MTOR: variants seen among roughly 807,000 people sequenced by gnomAD.
MTOR encodes the protein mechanistic target of rapamycin kinase, also known as serine/threonine-protein kinase mTOR.
In MTOR, 70 loss-of-function variants were observed where a neutral mutation model predicts 319.8. The ratio of observed to expected loss-of-function variants is 0.22; its 90% confidence interval spans 0.18 to 0.27. The LOEUF (loss-of-function observed/expected upper bound fraction) is 0.27. MTOR is among the 10% of genes least tolerant of loss of function. MTOR has a pLI of 1.00. For synonymous variants in MTOR, 1,183 were observed against 1,211.4 expected (o/e 0.98, Z 0.49); for missense variants, 1,890 against 3,274.4 (o/e 0.58, Z 10.32).
intron 17 of MTOR, 36 bp downstream of exon 17, chr1:11,231,264 A>T (rs753584793): frequency 2.5e-6 from 4 of 1,612,930 alleles, no homozygotes; most frequent in Non-Finnish European, 3.4e-6. Flanking sequence ...TCGTCCCAGC[A>T]AAGTCTTTAA....
chr1:11,155,581 G>C (rs976521358), intron 30 of MTOR, among the ~76,000 whole-genome samples: 2 of 152,100 alleles, frequency 1.3e-5, no homozygotes, highest in Admixed American at 6.6e-5. Context: ...TGAAGACAGG[G>C]GGTCACAGAG....
In MTOR at chr1:11,117,031, A is replaced by G; in HGVS notation, c.6989T>C (p.Val2330Ala). Residue 2330 changes from valine (V) to alanine (A), a missense_variant, in exon 50 of 58, where the codon GTT (valine) becomes GCT (alanine). Transcript: ENST00000361445. ...YTRSLAVMSMVGYILGLGDRH... is the reference protein window; with the variant it reads ...YTRSLAVMSMAGYILGLGDRH... ...ATCTCCCAGGCCTAAAATATACCCA[A>G]CCATTGACATGACCGCTAAAGAACG... The G allele has an allele frequency of 6.2e-7, 1 of 1,613,128 alleles. No individual in the cohort carries two copies. The highest frequency in any genetic ancestry group is 8.5e-7 in the Non-Finnish European group (1 of 1,179,792).
intron 19 of MTOR, among the ~76,000 whole-genome samples, chr1:11,221,575 G>A (rs533341459): frequency 6.6e-6 from 1 of 151,628 alleles, no homozygotes; most frequent in South Asian, 2.1e-4. Flanking sequence ...TACGCTTGGA[G>A]TAATTTTTTT....
In MTOR at chr1:11,127,376, T is replaced by C. The variant is rs1642892135; in HGVS notation, c.6217-232A>G. Among the ~76,000 whole-genome samples the C allele has an allele frequency of 6.6e-6, 1 of 152,160 alleles. No homozygotes were observed. Among genetic ancestry groups the C allele is most frequent in the Non-Finnish European group, 1.5e-5 (1 of 68,032 alleles). On this transcript the variant is annotated intron_variant, in intron 44 of 57. Coordinates refer to ENST00000361445, the MANE Select transcript of MTOR (RefSeq NM_004958.4). The surrounding 1 kb of genome is among the most constrained non-coding windows in gnomAD (Gnocchi z 5.5). ...TGAGAGGAGAGACGAGATGACCTCT[T>C]GAGAAATCTTGGGCTTTTCCAGTTA...
At chr1:11,136,052 T>C (rs1643401157) in intron 36 of MTOR, among the ~76,000 whole-genome samples, 1 of 152,148 alleles carries the variant, frequency 6.6e-6, no homozygotes. Flanking sequence ...GGAGAATTGC[T>C]TGAACCTGGA....
chr1:11,146,688 G>A lies in MTOR; in HGVS notation c.4674C>T (p.Ser1558=). ...AVLALHQDLF[S]LAQQCIDKAR... ...TGTAGGTTTTTACCTGTTGTGCCAA[G>A]GAGAAGAGGTCCTGATGCAGTGCCA... The change falls in exon 32 of 58, where the codon TCC becomes TCT. Residue 1558 remains serine, a synonymous_variant. Coordinates refer to ENST00000361445, the MANE Select transcript of MTOR (RefSeq NM_004958.4). The A allele has an allele frequency of 6.2e-7, 1 of 1,613,964 alleles. No individual in the cohort carries two copies. The highest frequency in any genetic ancestry group is 8.5e-7 in the Non-Finnish European group (1 of 1,179,878).
At chr1:11,148,792 G>A (rs957266238) in intron 31 of MTOR, among the ~76,000 whole-genome samples, 2 of 152,006 alleles carry the variant, frequency 1.3e-5, no homozygotes, top group East Asian at 1.9e-4. Flanking sequence ...CCAGCTACTC[G>A]GAGGGCTGAG....
At chr1:11,232,159 C>G (rs754046521) in intron 16 of MTOR, among the ~76,000 whole-genome samples, 1 of 152,202 alleles carries the variant, frequency 6.6e-6, no homozygotes, top group Admixed American at 6.5e-5. Context: ...CCTCTGAGAG[C>G]TACGGCTCTG....
Position 11,256,070 on chromosome 1 carries a change from A to G in MTOR, c.627T>C (p.Ala209=), listed in dbSNP as rs1650360669. ...TCAGACAGGCACGAAGGGCGGCTAC[A>G]GCTCCCTCACGGATGGCCTGTTTGG... The part of the protein sequence containing the change: ...WDPKQAIREG[A]VAALRACLIL... Residue 209 remains alanine, a synonymous_variant, in exon 5 of 58, where the codon GCT becomes GCC. Transcript: ENST00000361445. 8 of 1,614,188 alleles carry G rather than the reference A, an allele frequency of 5.0e-6. No homozygotes were observed. The highest frequency in any genetic ancestry group is 5.9e-6 in the Non-Finnish European group (7 of 1,180,038).
chr1:11,110,604 C>T (rs1641811655), intron 54 of MTOR, among the ~76,000 whole-genome samples: 1 of 152,186 alleles, frequency 6.6e-6, no homozygotes, highest in East Asian at 1.9e-4. Flanking sequence ...CCATGTCGGT[C>T]AAGCTGGTCT....
chr1:11,140,030 G>A (rs1399490886), intron 34 of MTOR, among the ~76,000 whole-genome samples: 1 of 152,012 alleles, frequency 6.6e-6, no homozygotes, highest in Admixed American at 6.6e-5. Flanking sequence ...TCACCATGAT[G>A]GCAAGGCTGC....
chr1:11,238,060 A>G lies in MTOR; in HGVS notation c.2003-12T>C, dbSNP rs767750152. Reference sequence around the variant, plus strand: ...GCGAATGTCAGGGTCTGCAAGAGCAATGGAGCCTTTGAACATTTCCTCATG... The same window carrying G: ...GCGAATGTCAGGGTCTGCAAGAGCAGTGGAGCCTTTGAACATTTCCTCATG... On this transcript the variant is annotated splice_polypyrimidine_tract_variant and intron_variant, in intron 12 of 57. Transcript: ENST00000361445. 1 of 1,613,856 alleles carries G rather than the reference A, an allele frequency of 6.2e-7. No homozygotes were observed. The highest frequency in any genetic ancestry group is 1.1e-5 in the South Asian group (1 of 91,070).
intron 29 of MTOR, among the ~76,000 whole-genome samples, chr1:11,163,454 C>G (rs1259644492): frequency 6.6e-6 from 1 of 152,284 alleles, no homozygotes; most frequent in East Asian, 1.9e-4. Flanking sequence ...CTACAGAACT[C>G]TCCACCCCAA....
rs1446739475 is a variant in MTOR, at chr1:11,139,597, C to A, written c.4934G>T (p.Ser1645Ile). ...KILMVRSLVV[S>I]PHEDMRTWLK... ...CCAGGTTCTCATGTCTTCATGAGGG[C>A]TGACCACAAGGGACCGCACCATAAG... Residue 1645 changes from serine to isoleucine, a missense_variant, in exon 35 of 58, where the codon AGC (serine) becomes ATC (isoleucine). Ser to Ile is a moderately radical substitution (Grantham distance 142). This residue lies in a region of MTOR where 276 missense variants were observed against 459.4 expected (regional missense o/e 0.60). Coordinates refer to ENST00000361445, the MANE Select transcript of MTOR (RefSeq NM_004958.4). 1 of 1,614,226 alleles carries A rather than the reference C, an allele frequency of 6.2e-7. No individual in the cohort carries two copies. Among genetic ancestry groups the A allele is most frequent in the Non-Finnish European group, 8.5e-7 (1 of 1,180,042 alleles).
At chr1:11,167,557 T>G (rs1644685714) in intron 28 of MTOR, 40 bp from the exon 29 acceptor site, 2 of 1,521,430 alleles carry the variant, frequency 1.3e-6, no homozygotes, top group East Asian at 4.5e-5. Flanking sequence ...ACTCAACAGG[T>G]CTGAGGGTAG....
In MTOR at chr1:11,195,236, C is replaced by T. The variant is rs532169428; in HGVS notation, c.4253+4022G>A. The T allele has an allele frequency of 2.2e-5, 12 of 546,970 alleles. No individual in the cohort carries two copies. The South Asian group carries it at 2.8e-4, about 13-fold the overall frequency. 33.9% of individuals were successfully genotyped at this position (546,970 alleles called of 1,614,324 possible). A position where few individuals can be genotyped will look rare whatever the true frequency, so the allele number is the denominator to read the frequency against. ...ATGAACTATTTAAACCCACTGGGTC[C>T]TGCCACATCCTTCTCAAGGTGGTAG... On this transcript the variant is annotated intron_variant, in intron 28 of 57. Coordinates refer to ENST00000361445, the MANE Select transcript of MTOR (RefSeq NM_004958.4).
chr1:11,127,556 A>G lies in MTOR; in HGVS notation c.6216+68T>C. The G allele has an allele frequency of 6.6e-7, 1 of 1,513,252 alleles. No individual in the cohort carries two copies. 93.7% of individuals were successfully genotyped at this position (1,513,252 alleles called of 1,614,324 possible). Reference sequence around the variant, plus strand: ...CTTTCATTCTATAAAAACTTTTCTCATTTCATTTTTTTTTAGTGGCAGAAT... The same window carrying G: ...CTTTCATTCTATAAAAACTTTTCTCGTTTCATTTTTTTTTAGTGGCAGAAT... On this transcript the variant is annotated intron_variant, in intron 44 of 57. Coordinates refer to ENST00000361445, the MANE Select transcript of MTOR (RefSeq NM_004958.4). The surrounding 1 kb of genome is among the most constrained non-coding windows in gnomAD (Gnocchi z 5.5).
At chr1:11,211,450 C>G (rs1341086496) in intron 23 of MTOR, among the ~76,000 whole-genome samples, 1 of 152,228 alleles carries the variant, frequency 6.6e-6, no homozygotes, top group Non-Finnish European at 1.5e-5. Context: ...TCACTGCAGT[C>G]TGGAACTCCT....
chr1:11,258,670 G>T, intron 2 of MTOR, 77 bp from the exon 3 acceptor site: 1 of 1,085,118 alleles, frequency 9.2e-7, no homozygotes, highest in Non-Finnish European at 1.4e-6. Context: ...GGCATCTAAA[G>T]ATTAGATCCT....
Sources: allele counts gnomAD v4.1 joint callset (sites outside exome capture counted in the v4.1 genomes callset), GRCh38; gene constraint gnomAD v4.1.1; regional missense constraint gnomAD v4.1.1; non-coding constraint Gnocchi (gnomAD v3.1); transcripts MANE v1.5; gene names NCBI Gene and HGNC (gene_info 2026-07-23, HGNC 2026-07-21).